The following SRGAP1 variants were observed in gnomAD, a reference collection of about 807,000 sequenced individuals.
The protein encoded by SRGAP1 is SLIT-ROBO Rho GTPase-activating protein 1.
In SRGAP1, 43 loss-of-function variants were observed where a neutral mutation model predicts 121.9. The observed-to-expected ratio is 0.35, with a 90% CI of 0.28 to 0.46. The LOEUF (loss-of-function observed/expected upper bound fraction) is 0.46. SRGAP1 is among the 20% of genes least tolerant of loss of function. The pLI is 1.00. For synonymous variants in SRGAP1, 447 were observed against 485.4 expected (o/e 0.92, Z 1.04); for missense variants, 1,102 against 1,350.9 (o/e 0.82, Z 2.89).
In SRGAP1 at chr12:64,154,761, A is replaced by G. The variant is rs1018811237; in HGVS notation, c.*12089A>G. On this transcript the variant is annotated 3_prime_UTR_variant, in exon 22 of 22. Coordinates refer to ENST00000355086, the MANE Select transcript of SRGAP1 (RefSeq NM_020762.4). ...GAGGATTTCTGGCCAGAAGGTGTAAATTTGATATTTAAAGCTATGGGACTC... is the reference window on the plus strand; with the variant it reads ...GAGGATTTCTGGCCAGAAGGTGTAAGTTTGATATTTAAAGCTATGGGACTC... The G allele has an allele frequency of 4.2e-4, 64 of 152,140 alleles. No individual in the cohort carries two copies. The highest frequency in any genetic ancestry group is 1.5e-3 in the African/African-American group (64 of 41,392). 9.4% of individuals were successfully genotyped at this position (152,140 alleles called of 1,614,324 possible).
chr12:63,853,518 A>G (rs1331090808), intron 1 of SRGAP1, among the ~76,000 whole-genome samples: 2 of 152,140 alleles, frequency 1.3e-5, no homozygotes, highest in Non-Finnish European at 2.9e-5. Flanking sequence ...GATGTGGTTA[A>G]TTGTTTTTAT....
At chr12:64,004,898 ATAGGGATTCTAAAAGAT>A (rs2034031683) in intron 3 of SRGAP1, among the ~76,000 whole-genome samples, 1 of 152,200 alleles carries the variant, frequency 6.6e-6, no homozygotes, top group Non-Finnish European at 1.5e-5. Flanking sequence ...ATACCACATG[ATAGGGATTCTAAAAGAT>A]TTTTCAGCAG....
rs2037031375 is a variant in SRGAP1, at chr12:64,145,163, T to C, written c.*2491T>C. ...CACTTCTTTAAAATAGTAAGAATTC[T>C]TAAAAACCATATTCCTTGTTTGATG... is the stretch of plus-strand genomic sequence containing the variant. On this transcript the variant is annotated 3_prime_UTR_variant, in exon 22 of 22. Transcript: ENST00000355086. The C allele has an allele frequency of 6.6e-6, 1 of 152,138 alleles. No homozygotes were observed. The highest frequency in any genetic ancestry group is 2.1e-4 in the South Asian group (1 of 4,822). The allele number at this position is 152,138 out of a possible 1,614,324, so 9.4% of individuals were successfully genotyped here. A position where few individuals can be genotyped will look rare whatever the true frequency, so the allele number is the denominator to read the frequency against.
At chr12:63,858,480 C>A (rs1265478960) in intron 1 of SRGAP1, among the ~76,000 whole-genome samples, 2 of 151,808 alleles carry the variant, frequency 1.3e-5, no homozygotes, top group Non-Finnish European at 2.9e-5. Flanking sequence ...TCAAGCCTGA[C>A]CACGAATCTG....
chr12:64,041,875 ATATTATTATTAT>A (rs10689107), intron 4 of SRGAP1, among the ~76,000 whole-genome samples: 44 of 138,602 alleles, frequency 3.2e-4, no homozygotes, highest in Middle Eastern at 3.6e-3. Context: ...ATTTTCTTTT[ATATTATTATTAT>A]TATTATTATT....
Position 63,970,231 on chromosome 12 carries a change from G to C in SRGAP1, c.68-13716G>C, listed in dbSNP as rs75565397. 7.8e-3 allele frequency among the ~76,000 whole-genome samples: 1,188 copies of C among 152,292 alleles called. 13 individuals are homozygous for C. The highest frequency in any genetic ancestry group is 0.027 in the African/African-American group (1,111 of 41,548). On this transcript the variant is annotated intron_variant, in intron 1 of 21. Coordinates refer to ENST00000355086, the MANE Select transcript of SRGAP1 (RefSeq NM_020762.4). ...CATTTACATTGTAGATGCGTAATTA[G>C]GGGGAGAGGTGGTGAGAGCTATCTG...
rs919358077 is a variant in SRGAP1 at position 64,006,624 on chromosome 12, T to C, written c.427-10326T>C. Among the ~76,000 whole-genome samples the C allele has an allele frequency of 2.0e-5, 3 of 152,180 alleles. No individual in the cohort carries two copies. In the East Asian group the frequency reaches 5.8e-4, roughly 29 times the overall value. On this transcript the variant is annotated intron_variant, in intron 3 of 21. Coordinates refer to ENST00000355086, the MANE Select transcript of SRGAP1 (RefSeq NM_020762.4). ...CATTGGAATGGGAAGAAACTTGTCTTGGGGAACCTGATGAGGAAGCTGTTG... is the reference window on the plus strand; with the variant it reads ...CATTGGAATGGGAAGAAACTTGTCTCGGGGAACCTGATGAGGAAGCTGTTG...
intron 4 of SRGAP1, among the ~76,000 whole-genome samples, chr12:64,022,417 C>A (rs891808009): frequency 1.2e-4 from 19 of 152,142 alleles, no homozygotes; most frequent in African/African-American, 4.6e-4. Context: ...CTTACTCAGC[C>A]TTTTTGTTCA....
intron 21 of SRGAP1, among the ~76,000 whole-genome samples, chr12:64,131,953 G>T (rs528390450): frequency 7.9e-5 from 12 of 152,180 alleles, no homozygotes; most frequent in Non-Finnish European, 1.6e-4. Flanking sequence ...AAGGCGGGTA[G>T]ATCACGAGGT....
At chr12:64,060,300 C>T (rs577707814) in intron 6 of SRGAP1, among the ~76,000 whole-genome samples, 31 of 151,518 alleles carry the variant, frequency 2.0e-4, no homozygotes, top group African/African-American at 6.3e-4. Flanking sequence ...CTCTACCTCC[C>T]GGGATCAAGT....
rs941347371 is a variant in SRGAP1, at chr12:64,157,872, G to A, written c.*15200G>A. The A allele has an allele frequency of 6.6e-6, 1 of 152,094 alleles. No individual in the cohort carries two copies. The highest frequency in any genetic ancestry group is 2.4e-5 in the African/African-American group (1 of 41,390). The allele number at this position is 152,094 out of a possible 1,614,324, so 9.4% of individuals were successfully genotyped here. A position where few individuals can be genotyped will look rare whatever the true frequency, so the allele number is the denominator to read the frequency against. On this transcript the variant is annotated 3_prime_UTR_variant, in exon 22 of 22. Transcript: ENST00000355086. ...ATCACAACTTGGTGTGGATCGGGCA[G>A]GTGACTCAGGGTTCTGGGCTCCTTC...
At chr12:64,058,772 C>T (rs2035391334) in intron 6 of SRGAP1, among the ~76,000 whole-genome samples, 1 of 151,206 alleles carries the variant, frequency 6.6e-6, no homozygotes, top group Admixed American at 6.6e-5. Context: ...AACCAAGTAT[C>T]TTGAATCTTA....
rs1048850776 is a variant in SRGAP1 at position 63,857,084 on chromosome 12, A to G, written c.67+12201A>G. Among the ~76,000 whole-genome samples, 103 of 148,366 alleles carry G rather than the reference A, an allele frequency of 6.9e-4. 1 individual carries two copies. Among genetic ancestry groups the G allele is most frequent in the African/African-American group, 2.5e-3 (102 of 40,706 alleles). The stretch of plus-strand genomic sequence containing the variant: ...TTTCTATTATGCAGAAATGCAATTT[A>G]CTGCTTTTTTTTTTTTTGAGATGGA... On this transcript the variant is annotated intron_variant, in intron 1 of 21. Transcript: ENST00000355086.
At chr12:63,944,136 C>T (rs1039340112) in intron 1 of SRGAP1, among the ~76,000 whole-genome samples, 5 of 152,058 alleles carry the variant, frequency 3.3e-5, no homozygotes, top group African/African-American at 4.8e-5. Flanking sequence ...TAACTCTTTT[C>T]GGGAAGGTGC....
Position 64,146,076 on chromosome 12 carries a change from A to C in SRGAP1, c.*3404A>C, listed in dbSNP as rs2037046785. On this transcript the variant is annotated 3_prime_UTR_variant, in exon 22 of 22. Transcript: ENST00000355086. ...TGGGGTTTGGGGAGTGGATTTGGGG[A>C]TAGAGAGAAAGGTGTACTTAGTACA... 1 of 152,158 alleles carries C rather than the reference A, an allele frequency of 6.6e-6. No individual in the cohort carries two copies. The highest frequency in any genetic ancestry group is 2.4e-5 in the African/African-American group (1 of 41,412). The allele number at this position is 152,158 out of a possible 1,614,324, so 9.4% of individuals were successfully genotyped here. A position where few individuals can be genotyped will look rare whatever the true frequency, so the allele number is the denominator to read the frequency against.
intron 21 of SRGAP1, among the ~76,000 whole-genome samples, chr12:64,130,180 C>T (rs1029146966): frequency 6.6e-6 from 1 of 152,132 alleles, no homozygotes; most frequent in Admixed American, 6.5e-5. Flanking sequence ...TTACCTGCAT[C>T]GTGGAGTAGT....
chr12:63,918,765 T>G (rs1478781585), intron 1 of SRGAP1, among the ~76,000 whole-genome samples: 2 of 152,204 alleles, frequency 1.3e-5, no homozygotes, highest in Non-Finnish European at 2.9e-5. Context: ...TTCATCCATT[T>G]ATTCATTTAT....
At chr12:64,128,441 G>T (rs1046300143) in intron 21 of SRGAP1, among the ~76,000 whole-genome samples, 5 of 152,104 alleles carry the variant, frequency 3.3e-5, no homozygotes, top group Admixed American at 1.3e-4. Context: ...TGACAAAAAC[G>T]TAGGACCAGG....
intron 4 of SRGAP1, among the ~76,000 whole-genome samples, chr12:64,041,332 AAG>A (rs1302717375): frequency 2.0e-5 from 3 of 151,850 alleles, no homozygotes; most frequent in Non-Finnish European, 4.4e-5. Flanking sequence ...CAGTTTTTTA[AAG>A]AGAGAAATCA....
Sources: allele counts gnomAD v4.1 joint callset (sites outside exome capture counted in the v4.1 genomes callset), GRCh38; gene constraint gnomAD v4.1.1; transcripts MANE v1.5; gene names NCBI Gene and HGNC (gene_info 2026-07-23, HGNC 2026-07-21).